The following SIPA1L3 variants were observed in gnomAD, a reference collection of about 807,000 sequenced individuals.
SIPA1L3 encodes the protein signal-induced proliferation-associated 1-like protein 3.
SIPA1L3 carries 59 observed loss-of-function variants against 150.1 expected under a neutral mutation model. The observed-to-expected ratio is 0.39, with a 90% confidence interval of 0.32 to 0.49. SIPA1L3 has a LOEUF of 0.49. Ranked by LOEUF, SIPA1L3 falls within the 20% of genes least tolerant of loss-of-function variation. The pLI is 0.86. For synonymous variants in SIPA1L3, 1,070 were observed against 1,077.6 expected (o/e 0.99, Z 0.14); for missense variants, 2,211 against 2,489.5 (o/e 0.89, Z 2.38).
intron 18 of SIPA1L3, among the ~76,000 whole-genome samples, chr19:38,194,889 A>G (rs1233899783): frequency 6.6e-6 from 1 of 152,176 alleles, no homozygotes; most frequent in Non-Finnish European, 1.5e-5. Flanking sequence ...CGTCTCTACT[A>G]AAAATACAAA....
At chr19:38,130,436 G>T in intron 9 of SIPA1L3, 62 bp from the exon 10 acceptor site, 1 of 1,541,668 alleles carries the variant, frequency 6.5e-7, no homozygotes. Context: ...ACGTGACCAG[G>T]GGTCTTCCAG....
At chr19:38,106,856 G>C (rs931778866) in intron 7 of SIPA1L3, among the ~76,000 whole-genome samples, 1 of 152,220 alleles carries the variant, frequency 6.6e-6, no homozygotes, top group Middle Eastern at 3.2e-3. Flanking sequence ...TGGGCGCCCT[G>C]CCCAGCCCCA....
rs1302987305 is a variant in SIPA1L3 at position 38,193,780 on chromosome 19, T to C, written c.4840T>C (p.Ser1614Pro). The change falls in exon 18 of 22, where the codon TCC becomes CCC. Residue 1614 changes from serine to proline, a missense_variant and splice_region_variant. Physicochemically the swap from Ser to Pro is moderately conservative, Grantham distance 74. Transcript: ENST00000222345. ...CGGCAGCGGCTTTCCCGAGAAGAAATGTGAGCCTGGGCCCCCTGGGACTGG... is the reference window on the plus strand; with the variant it reads ...CGGCAGCGGCTTTCCCGAGAAGAAACGTGAGCCTGGGCCCCCTGGGACTGG... ...AAGSGFPEKK[S>P]TISASELSLA... The C allele has an allele frequency of 6.4e-7, 1 of 1,567,726 alleles. No homozygotes were observed. Among genetic ancestry groups the C allele is most frequent in the Admixed American group, 1.8e-5 (1 of 55,446 alleles).
intron 1 of SIPA1L3, among the ~76,000 whole-genome samples, chr19:37,922,329 C>T (rs943544038): frequency 1.3e-5 from 2 of 151,996 alleles, no homozygotes; most frequent in African/African-American, 4.8e-5. Context: ...CTCAGGTGAT[C>T]CACCCACCTC....
At chr19:38,108,259 G>A (rs551014852) in intron 7 of SIPA1L3, among the ~76,000 whole-genome samples, 7 of 152,280 alleles carry the variant, frequency 4.6e-5, no homozygotes, top group South Asian at 2.1e-4. Flanking sequence ...TGGGAGGGGC[G>A]CTGGGGAAAA....
intron 2 of SIPA1L3, among the ~76,000 whole-genome samples, chr19:38,080,626 T>A (rs536744033): frequency 1.2e-4 from 18 of 151,974 alleles, no homozygotes; most frequent in East Asian, 5.8e-4. Flanking sequence ...TTTTTTTTTT[T>A]AAATCTTATG....
At chr19:38,201,748 T>A in intron 19 of SIPA1L3, 114 bp from the exon 20 acceptor site, 2 of 1,220,154 alleles carry the variant, frequency 1.6e-6, no homozygotes, top group South Asian at 1.6e-5. Flanking sequence ...ATGCAGTCTG[T>A]CCCAAGTGTG....
At chr19:38,049,096 G>C (rs564182578) in intron 2 of SIPA1L3, among the ~76,000 whole-genome samples, 219 of 151,902 alleles carry the variant, frequency 1.4e-3, no homozygotes, top group Non-Finnish European at 2.7e-3. Context: ...AAAAAGCGGG[G>C]GGTGGACAGG....
intron 1 of SIPA1L3, among the ~76,000 whole-genome samples, chr19:37,954,649 A>G (rs1268007893): frequency 4.6e-5 from 7 of 152,174 alleles, no homozygotes; most frequent in African/African-American, 1.7e-4. Flanking sequence ...AAGCACATCC[A>G]AGCGTGAAGC....
rs1199142943 is a variant in SIPA1L3 at position 38,100,021 on chromosome 19, G to T, written c.1725G>T (p.Gly575=). 6.2e-7 allele frequency: 1 copy of T among 1,611,438 alleles called. No homozygotes were observed. The highest frequency in any genetic ancestry group is 8.5e-7 in the Non-Finnish European group (1 of 1,179,044). ...EDATPTATKH[G]TGRGLPLKDA... ...CTACGCCCACAGCCACCAAGCATGG[G>T]ACCGGGCGGGGCCTGCCCTTGAAGG... Residue 575 remains glycine (G), a synonymous_variant, in exon 5 of 22, where the codon GGG becomes GGT. Transcript: ENST00000222345.
intron 18 of SIPA1L3, among the ~76,000 whole-genome samples, chr19:38,194,740 TC>T (rs1972882950): frequency 1.3e-5 from 2 of 152,110 alleles, no homozygotes; most frequent in African/African-American, 4.8e-5. Context: ...TGAAGGGCAG[TC>T]TGTCTCCCCT....
At chr19:38,095,869 G>A (rs907162870) in intron 4 of SIPA1L3, among the ~76,000 whole-genome samples, 3 of 152,190 alleles carry the variant, frequency 2.0e-5, no homozygotes, top group Non-Finnish European at 2.9e-5. Flanking sequence ...TTTCTGGTCC[G>A]TGCTGTCCCT....
intron 1 of SIPA1L3, among the ~76,000 whole-genome samples, chr19:38,014,577 G>T (rs1420716770): frequency 1.4e-5 from 2 of 146,874 alleles, no homozygotes; most frequent in East Asian, 3.9e-4. Context: ...TTAAATAAGA[G>T]GGTCTTGCTC....
chr19:37,939,281 A>C (rs1206624729), intron 1 of SIPA1L3, among the ~76,000 whole-genome samples: 1 of 151,870 alleles, frequency 6.6e-6, no homozygotes, highest in Non-Finnish European at 1.5e-5. Context: ...CACACCTGTA[A>C]TCCCAGCTAC....
At chr19:37,945,458 G>A (rs553594886) in intron 1 of SIPA1L3, among the ~76,000 whole-genome samples, 1 of 152,114 alleles carries the variant, frequency 6.6e-6, no homozygotes, top group East Asian at 1.9e-4. Context: ...GACTGGTCTC[G>A]AATTCCTGAG....
intron 13 of SIPA1L3, among the ~76,000 whole-genome samples, chr19:38,161,706 G>A (rs530242936): frequency 2.6e-4 from 39 of 152,066 alleles, no homozygotes; most frequent in Admixed American, 1.2e-3. Context: ...CAGCCTGAGC[G>A]ACAGAGCGAG....
intron 1 of SIPA1L3, among the ~76,000 whole-genome samples, chr19:37,935,187 A>G (rs964997546): frequency 6.6e-6 from 1 of 152,206 alleles, no homozygotes; most frequent in Non-Finnish European, 1.5e-5. Flanking sequence ...CATTTTTTAA[A>G]TGCTTTTTTA....
At chr19:38,205,686 C>T (rs916360135) in intron 21 of SIPA1L3, among the ~76,000 whole-genome samples, 3 of 152,178 alleles carry the variant, frequency 2.0e-5, no homozygotes, top group African/African-American at 4.8e-5. Flanking sequence ...GCTCAGGCCA[C>T]CCTGCATCCA....
rs73934109 is a variant in SIPA1L3, at chr19:38,142,385, C to G, written c.3396-188C>G. Among the ~76,000 whole-genome samples, 1,110 of 152,298 alleles carry G rather than the reference C, an allele frequency of 7.3e-3. 9 individuals carry two copies. Among genetic ancestry groups the G allele is most frequent in the African/African-American group, 0.026 (1,063 of 41,548 alleles). On this transcript the variant is annotated intron_variant, in intron 11 of 21. Transcript: ENST00000222345. ...CAGGAGCATCCCAGCTTCTCTCGCCCTGTGCTCAGCATCCTCCCCTTCATC... is the reference window on the plus strand; with the variant it reads ...CAGGAGCATCCCAGCTTCTCTCGCCGTGTGCTCAGCATCCTCCCCTTCATC...
Sources: gnomAD v4.1 joint callset for allele counts (sites outside exome capture counted in the v4.1 genomes callset) on GRCh38, gnomAD v4.1.1 for gene constraint, MANE v1.5 for transcripts, NCBI Gene and HGNC (gene_info 2026-07-23, HGNC 2026-07-21) for gene names.